The following CLDN10 variants were observed in gnomAD, a reference collection of about 807,000 sequenced individuals.
CLDN10 encodes claudin 10.
CLDN10 carries 15 observed loss-of-function variants against 22.9 expected under a neutral mutation model. The observed-to-expected ratio is 0.65, with a 90% CI of 0.44 to 1.01. The LOEUF (loss-of-function observed/expected upper bound fraction) is 1.01. Ranked by LOEUF, CLDN10 falls within the 50% of genes least tolerant of loss-of-function variation. The probability of loss-of-function intolerance (pLI) is 0.00; values close to 1 mark genes in which losing one functional copy is unlikely to be tolerated. For missense variants in CLDN10, 247 were observed against 287.8 expected (o/e 0.86, Z 1.03); for synonymous variants, 114 against 111.4 (o/e 1.02, Z -0.15).
intron 1 of CLDN10, among the ~76,000 whole-genome samples, chr13:95,495,730 C>T (rs2042922112): frequency 7.8e-6 from 1 of 128,680 alleles, no homozygotes; most frequent in African/African-American, 2.7e-5. Flanking sequence ...GGCGACAGAG[C>T]CAGACTCCAC....
At chr13:95,486,625 T>C (rs1443301673) in intron 1 of CLDN10, among the ~76,000 whole-genome samples, 1 of 151,996 alleles carries the variant, frequency 6.6e-6, no homozygotes, top group Non-Finnish European at 1.5e-5. Context: ...CTCCATGTAG[T>C]AGGATCTCCC....
chr13:95,478,842 G>T (rs1447090945), intron 1 of CLDN10, among the ~76,000 whole-genome samples: 1 of 152,196 alleles, frequency 6.6e-6, no homozygotes, highest in African/African-American at 2.4e-5. Context: ...GAGCATCTTC[G>T]CCATGTGACT....
At chr13:95,490,470 A>T (rs2042861244) in intron 1 of CLDN10, among the ~76,000 whole-genome samples, 1 of 152,182 alleles carries the variant, frequency 6.6e-6, no homozygotes, top group South Asian at 2.1e-4. Flanking sequence ...CTGTGTCATT[A>T]TTGTCATTCA....
At chr13:95,464,739 C>G (rs922395711) in intron 1 of CLDN10, among the ~76,000 whole-genome samples, 3 of 149,250 alleles carry the variant, frequency 2.0e-5, no homozygotes, top group Admixed American at 6.7e-5. Context: ...TGTGTTTTTG[C>G]TTTTTTTTTT....
At chr13:95,566,218 T>A (rs1052228604) in intron 3 of CLDN10, among the ~76,000 whole-genome samples, 6 of 152,252 alleles carry the variant, frequency 3.9e-5, no homozygotes, top group Non-Finnish European at 1.5e-5. Context: ...TCCACAATGT[T>A]TGAACTAATT....
At position 95,434,120 on chromosome 13, in the gene CLDN10, T is replaced by C. The variant is rs1259525021; in HGVS notation, c.214+73T>C. ...CCCCGACTGTGCTGAAGTAGCTGTC[T>C]ATGGCTGGCTGTTAACTCTCTGAAG... On this transcript the variant is annotated intron_variant, in intron 1 of 4. Transcript: ENST00000376873. 4 of 1,332,874 alleles carry C rather than the reference T, an allele frequency of 3.0e-6. No homozygotes were observed. In the African/African-American group the frequency reaches 4.3e-5, roughly 14 times the overall value. 82.6% of individuals were successfully genotyped at this position (1,332,874 alleles called of 1,614,324 possible).
intron 1 of CLDN10, among the ~76,000 whole-genome samples, chr13:95,518,950 G>C (rs953497312): frequency 6.6e-6 from 1 of 152,032 alleles, no homozygotes; most frequent in Non-Finnish European, 1.5e-5. Flanking sequence ...TCATCTTTCT[G>C]ACAATAATTA....
intron 1 of CLDN10, among the ~76,000 whole-genome samples, chr13:95,469,474 T>G (rs2042610350): frequency 6.6e-6 from 1 of 152,198 alleles, no homozygotes; most frequent in South Asian, 2.1e-4. Flanking sequence ...ATGTAAAGTT[T>G]TAGAGCCACA....
intron 1 of CLDN10, among the ~76,000 whole-genome samples, chr13:95,541,490 C>G (rs1417340111): frequency 1.3e-5 from 2 of 152,200 alleles, no homozygotes; most frequent in Non-Finnish European, 2.9e-5. Context: ...GAGCCTCCCT[C>G]TCTTTCTAGT....
rs746231195 is a variant in CLDN10 at position 95,484,865 on chromosome 13, CAAAAAAAAAAAA to C, written c.214+50837_214+50848del. Reference sequence around the variant, plus strand: ...TGGGTAACAAAGTGAGACCCTGTCTCAAAAAAAAAAAAAAAAAAAAAAAAAAAAAAGAAGCAG... The same window carrying C: ...TGGGTAACAAAGTGAGACCCTGTCTCAAAAAAAAAAAAAAAAAAGAAGCAG... On this transcript the variant is annotated intron_variant, in intron 1 of 4. Coordinates refer to the CLDN10 transcript ENST00000376873. 1.3e-3 allele frequency among the ~76,000 whole-genome samples: 121 copies of C among 93,618 alleles called. 1 individual carries two copies. The highest frequency in any genetic ancestry group is 1.1e-3 in the Admixed American group (8 of 7,614). The allele number at this position is 93,618 out of a possible 152,430, so 61.4% of individuals were successfully genotyped here.
intron 1 of CLDN10, among the ~76,000 whole-genome samples, chr13:95,512,254 C>G (rs1036277988): frequency 7.6e-6 from 1 of 131,354 alleles, no homozygotes; most frequent in Non-Finnish European, 1.6e-5. Context: ...CAAAGATCGT[C>G]TCTCCTTTTT....
intron 1 of CLDN10, among the ~76,000 whole-genome samples, chr13:95,514,559 G>C (rs1222463841): frequency 2.6e-5 from 4 of 152,152 alleles, no homozygotes; most frequent in Non-Finnish European, 5.9e-5. Context: ...AGGAGTAAAA[G>C]TGTTTCAGAC....
At chr13:95,517,439 A>G (rs1315345723) in intron 1 of CLDN10, among the ~76,000 whole-genome samples, 1 of 152,220 alleles carries the variant, frequency 6.6e-6, no homozygotes. Flanking sequence ...ATTAAATATT[A>G]AAAGCTAAAC....
intron 3 of CLDN10, among the ~76,000 whole-genome samples, chr13:95,566,737 G>C (rs1344584478): frequency 6.6e-6 from 1 of 152,112 alleles, no homozygotes; most frequent in Non-Finnish European, 1.5e-5. Context: ...TTTTCTTCTA[G>C]GGCTTTTATG....
chr13:95,450,123 C>T (rs970988518), intron 1 of CLDN10, among the ~76,000 whole-genome samples: 1 of 152,092 alleles, frequency 6.6e-6, no homozygotes, highest in African/African-American at 2.4e-5. Context: ...AATTCTCCCA[C>T]CTTGGCCTTC....
intron 1 of CLDN10, among the ~76,000 whole-genome samples, chr13:95,478,020 T>C (rs2042702275): frequency 6.6e-6 from 1 of 152,224 alleles, no homozygotes. Flanking sequence ...TAAAAAGCTC[T>C]GGAGGCCAGG....
intron 1 of CLDN10, among the ~76,000 whole-genome samples, chr13:95,527,952 G>C (rs1307909534): frequency 1.3e-5 from 2 of 152,156 alleles, no homozygotes; most frequent in African/African-American, 4.8e-5. Flanking sequence ...TGACCACTAG[G>C]ATTTGTGGCA....
intron 1 of CLDN10, among the ~76,000 whole-genome samples, chr13:95,532,361 G>A (rs2043353193): frequency 6.6e-6 from 1 of 152,030 alleles, no homozygotes; most frequent in African/African-American, 2.4e-5. Flanking sequence ...CACAAAAGAA[G>A]GTATTTGAAT....
Position 95,577,900 on chromosome 13 carries a change from A to G in CLDN10, c.573A>G (p.Arg191=). 1.9e-6 allele frequency: 3 copies of G among 1,600,658 alleles called. No individual in the cohort carries two copies. The highest frequency in any genetic ancestry group is 2.2e-5 in the East Asian group (1 of 44,816). Residue 191 remains arginine (R), a splice_region_variant and synonymous_variant, in exon 5 of 5, where the codon AGA becomes AGG. Coordinates refer to ENST00000299339, the MANE Select transcript of CLDN10 (RefSeq NM_006984.5). ...FSISDNNKTP[R]YTYNGATSVM... Reference sequence around the variant, plus strand: ...TACCAAACTATGTTTTACCTTTCAGATACACATACAACGGGGCCACATCTG... The same window carrying G: ...TACCAAACTATGTTTTACCTTTCAGGTACACATACAACGGGGCCACATCTG...
Sources: allele counts gnomAD v4.1 joint callset (sites outside exome capture counted in the v4.1 genomes callset), GRCh38; gene constraint gnomAD v4.1.1; transcripts MANE v1.5; gene names NCBI Gene and HGNC (gene_info 2026-07-23, HGNC 2026-07-21).